The following R3HDM1 variants were observed in gnomAD, a reference collection of about 807,000 sequenced individuals.
R3HDM1 encodes the protein R3H domain-containing protein 1.
A neutral mutation model predicts 141.1 loss-of-function variants in R3HDM1; 46 were observed. That is an observed-to-expected ratio of 0.33 (90% CI 0.26 to 0.42). The LOEUF (loss-of-function observed/expected upper bound fraction) is 0.42. Ranked by LOEUF, R3HDM1 falls within the 10% of genes least tolerant of loss-of-function variation. The pLI, the probability that R3HDM1 is intolerant of heterozygous loss-of-function variation, is 1.00. For synonymous variants in R3HDM1, 435 were observed against 472.9 expected (o/e 0.92, Z 1.04); for missense variants, 1,184 against 1,368.3 (o/e 0.87, Z 2.12).
chr2:135,586,682 T>A (rs1707998857), intron 1 of R3HDM1: 6 of 985,242 alleles, frequency 6.1e-6, no homozygotes, highest in South Asian at 4.7e-5. Context: ...TATATTTGTT[T>A]AGGTTGGTGG....
intron 21 of R3HDM1, among the ~76,000 whole-genome samples, chr2:135,692,730 C>T (rs1020583954): frequency 6.6e-6 from 1 of 151,970 alleles, no homozygotes; most frequent in Non-Finnish European, 1.5e-5. Context: ...TTGAAGTGAA[C>T]TTGAAGTGGG....
intron 1 of R3HDM1, among the ~76,000 whole-genome samples, chr2:135,537,725 C>T (rs1037767603): frequency 1.3e-5 from 2 of 151,038 alleles, no homozygotes; most frequent in Non-Finnish European, 2.9e-5. Flanking sequence ...GGTGCAGTCT[C>T]GGCTCACTGC....
chr2:135,640,531 G>A (rs1020099587), intron 14 of R3HDM1, among the ~76,000 whole-genome samples: 3 of 152,190 alleles, frequency 2.0e-5, no homozygotes, highest in African/African-American at 4.8e-5. Context: ...ATATTAATTG[G>A]CCCTTTTAAT....
intron 1 of R3HDM1, among the ~76,000 whole-genome samples, chr2:135,599,855 G>T (rs1169974547): frequency 6.6e-6 from 1 of 152,020 alleles, no homozygotes; most frequent in Non-Finnish European, 1.5e-5. Flanking sequence ...AAAATAGCAA[G>T]ACCCCGTCTC....
At chr2:135,659,045 G>GAGT (rs1165365046) in intron 18 of R3HDM1, among the ~76,000 whole-genome samples, 2 of 143,648 alleles carry the variant, frequency 1.4e-5, no homozygotes, top group Non-Finnish European at 3.0e-5. Context: ...AGACCTACCT[G>GAGT]AGTCTGTGTG....
At chr2:135,679,152 G>A (rs926782964) in intron 20 of R3HDM1, among the ~76,000 whole-genome samples, 5 of 126,734 alleles carry the variant, frequency 3.9e-5, no homozygotes, top group African/African-American at 1.2e-4. Flanking sequence ...CAAAATCACT[G>A]TAATCCAACT....
chr2:135,564,591 A>T (rs950492846), intron 1 of R3HDM1, among the ~76,000 whole-genome samples: 7 of 152,214 alleles, frequency 4.6e-5, no homozygotes, highest in African/African-American at 1.7e-4. Flanking sequence ...AAGTGCTGAG[A>T]TTACAGGCGT....
chr2:135,638,283 A>G (rs2063460153), intron 11 of R3HDM1, among the ~76,000 whole-genome samples: 1 of 152,196 alleles, frequency 6.6e-6, no homozygotes, highest in African/African-American at 2.4e-5. Flanking sequence ...GTGATCAAAT[A>G]TTTGTTAAGT....
At chr2:135,536,556 G>A in intron 1 of R3HDM1, 1 of 924,556 alleles carries the variant, frequency 1.1e-6, no homozygotes, top group African/African-American at 1.8e-5. Context: ...ATTAGGTAGA[G>A]AAAATAAACT....
Position 135,536,778 on chromosome 2 carries a change from G to A in R3HDM1, c.-250+5145G>A, listed in dbSNP as rs912637275. On this transcript the variant is annotated intron_variant, in intron 1 of 26. Transcript: ENST00000683871. ...CCTTAGGAGCTGGGCCACACAGCAG[G>A]AGGTGTGCAGTGGACCGGTGAACAT... 5 of 920,280 alleles carry A rather than the reference G, an allele frequency of 5.4e-6. No individual in the cohort carries two copies. In the African/African-American group the frequency reaches 7.2e-5, roughly 13 times the overall value. 57.0% of individuals were successfully genotyped at this position (920,280 alleles called of 1,614,324 possible).
At chr2:135,596,981 CT>C in intron 1 of R3HDM1, 1 of 971,064 alleles carries the variant, frequency 1.0e-6, no homozygotes, top group Non-Finnish European at 1.2e-6. Context: ...AAATTGTTTT[CT>C]AAAGTGGATC....
At chr2:135,536,588 C>G in intron 1 of R3HDM1, 1 of 903,522 alleles carries the variant, frequency 1.1e-6, no homozygotes, top group Non-Finnish European at 1.3e-6. Context: ...TATTCTTGAC[C>G]ATTCTCGAGA....
At chr2:135,643,773 A>G (rs1465532738) in intron 15 of R3HDM1, among the ~76,000 whole-genome samples, 1 of 152,248 alleles carries the variant, frequency 6.6e-6, no homozygotes, top group Admixed American at 6.5e-5. Context: ...ATTAAATACT[A>G]TGAAGCCATA....
chr2:135,581,312 T>G, intron 1 of R3HDM1: 1 of 985,422 alleles, frequency 1.0e-6, no homozygotes, highest in Non-Finnish European at 1.2e-6. Context: ...CTCTCATGCG[T>G]CCTTCCTTAT....
At chr2:135,669,652 C>A in intron 19 of R3HDM1, 1 of 862,022 alleles carries the variant, frequency 1.2e-6, no homozygotes, top group Non-Finnish European at 1.4e-6. Context: ...CAGCTCTCAG[C>A]TACACATTTG....
chr2:135,543,933 G>A (rs1698149988), intron 1 of R3HDM1, among the ~76,000 whole-genome samples: 1 of 152,138 alleles, frequency 6.6e-6, no homozygotes, highest in South Asian at 2.1e-4. Flanking sequence ...CATGTTGAAT[G>A]GAAACAAGTA....
At chr2:135,635,051 G>C (rs967473285) in intron 9 of R3HDM1, among the ~76,000 whole-genome samples, 1 of 152,132 alleles carries the variant, frequency 6.6e-6, no homozygotes, top group African/African-American at 2.4e-5. Context: ...ACTATAAAAT[G>C]TATTGCTAAG....
At chr2:135,545,175 C>T (rs1281224587) in intron 1 of R3HDM1, among the ~76,000 whole-genome samples, 2 of 152,214 alleles carry the variant, frequency 1.3e-5, no homozygotes, top group East Asian at 3.9e-4. Context: ...AGGATTGTTG[C>T]CCACCCAGGA....
At position 135,531,548 on chromosome 2, in the gene R3HDM1, C is replaced by G; in HGVS notation, c.-335C>G. 1.0e-6 allele frequency: 1 copy of G among 985,774 alleles called. No homozygotes were observed. Among genetic ancestry groups the G allele is most frequent in the South Asian group, 4.7e-5 (1 of 21,310 alleles). 61.1% of individuals were successfully genotyped at this position (985,774 alleles called of 1,614,324 possible). On this transcript the variant is annotated 5_prime_UTR_variant, in exon 1 of 27. Coordinates refer to ENST00000683871, the MANE Select transcript of R3HDM1 (RefSeq NM_001378107.1). The stretch of plus-strand genomic sequence containing the variant: ...GCTGGTGATGGGGTTAATTCCCTTT[C>G]GTAAGACTCTTACTTGCACCCACCC...
Sources: gnomAD v4.1 joint callset for allele counts (sites outside exome capture counted in the v4.1 genomes callset) on GRCh38, gnomAD v4.1.1 for gene constraint, MANE v1.5 for transcripts, NCBI Gene and HGNC (gene_info 2026-07-23, HGNC 2026-07-21) for gene names.